CDC25C: variants seen among roughly 807,000 people sequenced by gnomAD.
CDC25C encodes the protein M-phase inducer phosphatase 3.
CDC25C carries 48 observed loss-of-function variants against 52.5 expected under a neutral mutation model. The ratio of observed to expected loss-of-function variants is 0.91; its 90% confidence interval spans 0.72 to 1.16. CDC25C has a LOEUF of 1.16. Ranked by LOEUF, CDC25C falls within the 50% of genes most tolerant of loss-of-function variation. The pLI is 0.00. For missense variants in CDC25C, 510 were observed against 566.1 expected (o/e 0.90, Z 1.01); for synonymous variants, 187 against 206.5 (o/e 0.91, Z 0.81).
At chr5:138,332,294 C>G (rs1014262218), upstream of CDC25C, 4 of 152,230 alleles carry the variant, frequency 2.6e-5, no homozygotes, top group Admixed American at 1.3e-4. Flanking sequence ...TTTTGCTGGC[C>G]TTCCACGGGA....
chr5:138,328,719 T>A, intron 3 of CDC25C, 190 bp from the exon 4 acceptor site: 1 of 535,980 alleles, frequency 1.9e-6, no homozygotes, highest in Non-Finnish European at 3.3e-6. Flanking sequence ...AGAATTTATA[T>A]GTGTCACTAA....
At chr5:138,318,802 A>G (rs2126790685) in intron 7 of CDC25C, among the ~76,000 whole-genome samples, 1 of 152,328 alleles carries the variant, frequency 6.6e-6, no homozygotes, top group South Asian at 2.1e-4. Flanking sequence ...GAGTCTTTAT[A>G]TACCAAGTTG....
chr5:138,306,749 T>G (rs1371272232), intron 7 of CDC25C, among the ~76,000 whole-genome samples: 1 of 151,456 alleles, frequency 6.6e-6, no homozygotes, highest in Non-Finnish European at 1.5e-5. Flanking sequence ...GTGCTGGGAT[T>G]ACAGGCGTGA....
At chr5:138,334,595 AC>A (rs1465783854), upstream of CDC25C, among the ~76,000 whole-genome samples, 2 of 151,984 alleles carry the variant, frequency 1.3e-5, no homozygotes, top group African/African-American at 4.8e-5. Context: ...GAGGTAATCC[AC>A]CCACCTCGGC....
At chr5:138,303,863 A>C (rs1235511864) in intron 7 of CDC25C, among the ~76,000 whole-genome samples, 1 of 152,166 alleles carries the variant, frequency 6.6e-6, no homozygotes, top group African/African-American at 2.4e-5. Context: ...ATTAGTGAAT[A>C]AATGAATGAA....
At chr5:138,337,869 C>G (rs1036994434) in intron 1 of CDC25C, 19 of 931,948 alleles carry the variant, frequency 2.0e-5, no homozygotes, top group Non-Finnish European at 2.8e-5. Flanking sequence ...GGCACTGTGG[C>G]TAATTGCGTG....
At chr5:138,338,262 G>C (rs552456163) in exon 1 of CDC25C, 86 of 1,008,616 alleles carry the variant, frequency 8.5e-5, no homozygotes, top group Middle Eastern at 4.8e-4. Flanking sequence ...CGAACCGAGC[G>C]CTCAGAGCTG....
At chr5:138,298,432 C>T (rs749479702) in intron 7 of CDC25C, among the ~76,000 whole-genome samples, 1 of 152,168 alleles carries the variant, frequency 6.6e-6, no homozygotes, top group Non-Finnish European at 1.5e-5. Context: ...ATGGCACATT[C>T]TCACAATAGA....
chr5:138,288,585 A>T (rs1376997368), intron 10 of CDC25C, among the ~76,000 whole-genome samples: 1 of 152,058 alleles, frequency 6.6e-6, no homozygotes, highest in Non-Finnish European at 1.5e-5. Context: ...AATCCCAGCT[A>T]CTTGGGAGGC....
chr5:138,337,576 T>G, intron 1 of CDC25C: 1 of 199,996 alleles, frequency 5.0e-6, no homozygotes, highest in Non-Finnish European at 1.0e-5. Context: ...AGAGAGGGAG[T>G]GAACAGCCCT....
At chr5:138,298,922 G>A (rs570940444) in intron 7 of CDC25C, among the ~76,000 whole-genome samples, 24 of 151,972 alleles carry the variant, frequency 1.6e-4, no homozygotes, top group Admixed American at 1.4e-3. Context: ...GCCAGGTGTG[G>A]TGGCTCACAC....
In CDC25C at chr5:138,325,901, G is replaced by C; in HGVS notation, c.373C>G (p.Gln125Glu). Residue 125 changes from glutamine (Q) to glutamate (E), a missense_variant, in exon 6 of 14, where the codon CAG becomes GAG. Gln to Glu is a conservative substitution (Grantham distance 29). Transcript: ENST00000323760. Reference protein sequence around the residue: ...DQHLMKCSPAQLLCSTPNGLD... With the variant: ...DQHLMKCSPAELLCSTPNGLD... Reference sequence around the variant, plus strand: ...CCATTCGGAGTGCTACAAAGAAGCTGTGCCTAAAAAAGAGAGTTTGCTGAG... The same window carrying C: ...CCATTCGGAGTGCTACAAAGAAGCTCTGCCTAAAAAAGAGAGTTTGCTGAG... 1.2e-6 allele frequency: 2 copies of C among 1,614,034 alleles called. No homozygotes were observed. Among genetic ancestry groups the C allele is most frequent in the Non-Finnish European group, 1.7e-6 (2 of 1,179,910 alleles).
intron 7 of CDC25C, among the ~76,000 whole-genome samples, chr5:138,300,925 A>C (rs1580737100): frequency 6.6e-6 from 1 of 152,224 alleles, no homozygotes; most frequent in African/African-American, 2.4e-5. Context: ...CAAAAAAGAA[A>C]CCAAAAAAGG....
intron 7 of CDC25C, among the ~76,000 whole-genome samples, chr5:138,305,554 A>G (rs1757945021): frequency 6.6e-6 from 1 of 151,972 alleles, no homozygotes; most frequent in Admixed American, 6.6e-5. Context: ...GGGGCACACC[A>G]CCATGCCTGG....
At chr5:138,295,613 C>G (rs1284157570) in intron 7 of CDC25C, among the ~76,000 whole-genome samples, 1 of 147,976 alleles carries the variant, frequency 6.8e-6, no homozygotes, top group Admixed American at 6.8e-5. Flanking sequence ...ATCCTGTCTT[C>G]TCTTAAGAAA....
At chr5:138,294,593 C>T (rs768722203) in intron 7 of CDC25C, among the ~76,000 whole-genome samples, 20 of 150,546 alleles carry the variant, frequency 1.3e-4, no homozygotes, top group Non-Finnish European at 2.4e-4. Flanking sequence ...CAAGCTCTGC[C>T]TCCCGGGTTC....
intron 7 of CDC25C, among the ~76,000 whole-genome samples, chr5:138,309,576 G>A (rs1387381617): frequency 6.6e-6 from 1 of 151,904 alleles, no homozygotes; most frequent in Non-Finnish European, 1.5e-5. Context: ...AGGGCGATGG[G>A]GGGAGGTGAG....
intron 7 of CDC25C, among the ~76,000 whole-genome samples, chr5:138,315,298 A>C (rs1758792811): frequency 6.6e-6 from 1 of 152,148 alleles, no homozygotes; most frequent in South Asian, 2.1e-4. Flanking sequence ...ATCTCTTACT[A>C]TGCCTAAGTA....
At chr5:138,302,686 C>T (rs1000292168) in intron 7 of CDC25C, among the ~76,000 whole-genome samples, 5 of 146,546 alleles carry the variant, frequency 3.4e-5, no homozygotes, top group East Asian at 4.0e-4. Flanking sequence ...GCAACAAGAG[C>T]GAAACTCCAT....
Sources: gnomAD v4.1 joint callset for allele counts (sites outside exome capture counted in the v4.1 genomes callset) on GRCh38, gnomAD v4.1.1 for gene constraint, MANE v1.5 for transcripts, NCBI Gene and HGNC (gene_info 2026-07-23, HGNC 2026-07-21) for gene names.